TNPO3: variants seen among roughly 807,000 people sequenced by gnomAD.
TNPO3 encodes the protein transportin-3.
Under a neutral mutation model 122.8 loss-of-function variants are expected in TNPO3, and 65 were observed. That is an observed-to-expected ratio of 0.53 (90% CI 0.43 to 0.65). The LOEUF is 0.65. Among genes scored for constraint, TNPO3 ranks in the 30% least tolerant of loss-of-function variants. The pLI, the probability that TNPO3 is intolerant of heterozygous loss-of-function variation, is 0.00. For synonymous variants in TNPO3, 372 were observed against 411.2 expected, an observed-to-expected ratio of 0.90 and a Z score of 1.15; for missense variants, 850 against 1,136.7, an observed-to-expected ratio of 0.75 and a Z score of 3.63.
At position 129,017,876 on chromosome 7, in the gene TNPO3, G is replaced by T. The variant is rs1563104312; in HGVS notation, c.321+81C>A. On this transcript the variant is annotated intron_variant, in intron 2 of 22. Transcript: ENST00000265388. ...TAATGAAGTTAACATTACCTCACAT[G>T]GCCTAGCAATACGAATTAAAACAAT... 8 of 1,393,564 alleles carry T rather than the reference G, an allele frequency of 5.7e-6. No homozygotes were observed. The East Asian group carries it at 1.9e-4, about 33-fold the overall frequency. 86.3% of individuals were successfully genotyped at this position (1,393,564 alleles called of 1,614,324 possible).
intron 14 of TNPO3, 61 bp from the exon 15 acceptor site, chr7:128,980,092 C>T: frequency 2.8e-6 from 4 of 1,410,928 alleles, no homozygotes; most frequent in Non-Finnish European, 4.0e-6. Context: ...GGACCCAGAG[C>T]CCTGATCCCT....
At position 128,997,396 on chromosome 7, in the gene TNPO3, G is replaced by C; in HGVS notation, c.1151C>G (p.Pro384Arg). ...GTAGAGAAGGGAACTTACATGGTCT[G>C]GTTCCAGCTGGCAGTGTCGAGCCAA... is the stretch of plus-strand genomic sequence containing the variant. ...HALARHCQLE[P>R]DHEGVPEETD... The change falls in exon 8 of 23, where the codon CCA becomes CGA. Residue 384 changes from proline to arginine, a missense_variant. Pro to Arg is a moderately radical substitution (Grantham distance 103). Transcript: ENST00000265388. The C allele has an allele frequency of 6.2e-7, 1 of 1,614,132 alleles. No individual in the cohort carries two copies. Among genetic ancestry groups the C allele is most frequent in the Non-Finnish European group, 8.5e-7 (1 of 1,179,988 alleles).
At chr7:129,002,810 T>C (rs1420138552) in intron 5 of TNPO3, among the ~76,000 whole-genome samples, 2 of 151,982 alleles carry the variant, frequency 1.3e-5, no homozygotes, top group East Asian at 1.9e-4. Flanking sequence ...CCCAGCACTT[T>C]GGGAGGCTGA....
chr7:128,974,733 C>G, intron 18 of TNPO3, 135 bp downstream of exon 18: 2 of 746,082 alleles, frequency 2.7e-6, no homozygotes, highest in Non-Finnish European at 4.6e-6. Flanking sequence ...TGCAATTTAC[C>G]TTTGGGTTAT....
intron 20 of TNPO3, among the ~76,000 whole-genome samples, chr7:128,969,526 A>G (rs1798252708): frequency 6.6e-6 from 1 of 152,180 alleles, no homozygotes; most frequent in Admixed American, 6.5e-5. Flanking sequence ...GTTATATTAT[A>G]CTTTACCATT....
chr7:129,017,194 C>A lies in TNPO3; in HGVS notation c.322-138G>T, dbSNP rs1803949652. On this transcript the variant is annotated intron_variant, in intron 2 of 22. Transcript: ENST00000265388. ...AACCCCCTTCCCCCATTTCTCCCAA[C>A]CTCCAATTCTATACATCTGATGTAA... The A allele has an allele frequency of 2.6e-6, 2 of 769,088 alleles. 1 individual carries two copies. The highest frequency in any genetic ancestry group is 4.8e-5 in the Admixed American group (2 of 41,830). 47.6% of individuals were successfully genotyped at this position (769,088 alleles called of 1,614,324 possible).
chr7:128,973,340 A>G (rs1222606861), intron 18 of TNPO3, among the ~76,000 whole-genome samples: 1 of 152,132 alleles, frequency 6.6e-6, no homozygotes, highest in Non-Finnish European at 1.5e-5. Flanking sequence ...ATATACAGGG[A>G]GAATCTCTTC....
intron 20 of TNPO3, 122 bp downstream of exon 20, chr7:128,970,026 G>A: frequency 1.8e-6 from 2 of 1,084,514 alleles, no homozygotes; most frequent in Non-Finnish European, 2.7e-6. Flanking sequence ...TTGGCAATAT[G>A]CCTAAATTTG....
intron 14 of TNPO3, among the ~76,000 whole-genome samples, chr7:128,982,018 C>T (rs918766727): frequency 3.3e-5 from 5 of 151,552 alleles, no homozygotes; most frequent in East Asian, 3.9e-4. Flanking sequence ...TGTGAGCCAT[C>T]GCTCCCGGCC....
Position 129,054,799 on chromosome 7 carries a change from GCT to G in TNPO3, c.-31_-30del. The G allele has an allele frequency of 6.2e-7, 1 of 1,613,606 alleles. No individual in the cohort carries two copies. ...GGTGGCGGTAGTGGCGGTAGCGACG[GCT>G]CTGATTCTTCTCCGGAGGATTCCTC... is the stretch of plus-strand genomic sequence containing the variant. On this transcript the variant is annotated 5_prime_UTR_variant, in exon 1 of 23. Transcript: ENST00000265388.
chr7:128,958,597 G>A (rs1198799394), intron 21 of TNPO3, among the ~76,000 whole-genome samples: 2 of 152,136 alleles, frequency 1.3e-5, no homozygotes, highest in Non-Finnish European at 2.9e-5. Context: ...TGCTCTAAGC[G>A]ATCCAACAGA....
At chr7:129,042,989 G>C (rs1807577628) in intron 1 of TNPO3, among the ~76,000 whole-genome samples, 1 of 151,874 alleles carries the variant, frequency 6.6e-6, no homozygotes, top group Admixed American at 6.6e-5. Context: ...TTCCCTTATA[G>C]AGGTAAGTTC....
chr7:128,954,317 C>G lies in TNPO3; in HGVS notation c.*1100G>C, dbSNP rs1405225527. The G allele has an allele frequency of 6.6e-6, 1 of 152,220 alleles. No homozygotes were observed. The highest frequency in any genetic ancestry group is 1.5e-5 in the Non-Finnish European group (1 of 68,066). 9.4% of individuals were successfully genotyped at this position (152,220 alleles called of 1,614,324 possible). A position where few individuals can be genotyped will look rare whatever the true frequency, so the allele number is the denominator to read the frequency against. On this transcript the variant is annotated 3_prime_UTR_variant, in exon 23 of 23. Transcript: ENST00000265388. The stretch of plus-strand genomic sequence containing the variant: ...CTGCACTCCTTTGAAACATTAAGAT[C>G]TGCTTTGGGCTTCCCTCTTCGGCCT...
intron 18 of TNPO3, among the ~76,000 whole-genome samples, chr7:128,972,877 T>C (rs1422245598): frequency 6.6e-6 from 1 of 152,130 alleles, no homozygotes; most frequent in Non-Finnish European, 1.5e-5. Flanking sequence ...TGTGTTCATA[T>C]AGGGTCACTG....
intron 1 of TNPO3, among the ~76,000 whole-genome samples, chr7:129,021,369 A>G (rs567109568): frequency 5.9e-5 from 9 of 151,882 alleles, no homozygotes; most frequent in Middle Eastern, 3.4e-3. Flanking sequence ...AAAAAAAAAA[A>G]AGAGAAAGAA....
intron 1 of TNPO3, among the ~76,000 whole-genome samples, chr7:129,021,280 G>A (rs560345035): frequency 3.3e-5 from 5 of 151,758 alleles, no homozygotes; most frequent in East Asian, 3.9e-4. Context: ...ACTTGAACCC[G>A]GGAGACGGTG....
intron 12 of TNPO3, 76 bp downstream of exon 12, chr7:128,986,653 T>C (rs1349016626): frequency 7.3e-7 from 1 of 1,376,976 alleles, no homozygotes; most frequent in Non-Finnish European, 9.9e-7. Context: ...ACTGAAAAAC[T>C]GGGATATGAC....
chr7:129,009,458 G>A (rs541611458), intron 4 of TNPO3, among the ~76,000 whole-genome samples: 1 of 152,230 alleles, frequency 6.6e-6, no homozygotes, highest in East Asian at 1.9e-4. Context: ...TTCATCCCCT[G>A]GGTTCTATAA....
rs138351157 is a variant in TNPO3 at position 128,974,722 on chromosome 7, T to C, written c.2273+146A>G. The C allele has an allele frequency of 4.9e-4, 341 of 695,482 alleles. 1 individual carries two copies. In the African/African-American group the frequency reaches 5.5e-3, roughly 11 times the overall value. The allele number at this position is 695,482 out of a possible 1,614,324, so 43.1% of individuals were successfully genotyped here. On this transcript the variant is annotated intron_variant, in intron 18 of 22. Coordinates refer to ENST00000265388, the MANE Select transcript of TNPO3 (RefSeq NM_012470.4). ...GCGTCACTGCTGGGGATATATCAGC[T>C]TGCAATTTACCTTTGGGTTATGAAT...
Sources: allele counts gnomAD v4.1 joint callset (sites outside exome capture counted in the v4.1 genomes callset), GRCh38; gene constraint gnomAD v4.1.1; transcripts MANE v1.5; gene names NCBI Gene and HGNC (gene_info 2026-07-23, HGNC 2026-07-21).